The following GALNT7 variants were observed in gnomAD, a reference collection of about 807,000 sequenced individuals.
GALNT7 encodes polypeptide N-acetylgalactosaminyltransferase 7.
In GALNT7, 60 loss-of-function variants were observed where a neutral mutation model predicts 82.1. That is an observed-to-expected ratio of 0.73 (90% CI 0.59 to 0.91). The LOEUF (loss-of-function observed/expected upper bound fraction) is 0.91, where lower values mean the gene tolerates loss of function less well. Among genes scored for constraint, GALNT7 ranks in the 40% least tolerant of loss-of-function variants. The pLI, the probability that GALNT7 is intolerant of heterozygous loss-of-function variation, is 0.00. For missense variants in GALNT7, 660 were observed against 804.2 expected (o/e 0.82, Z 2.17); for synonymous variants, 243 against 275.1 (o/e 0.88, Z 1.15).
chr4:173,191,227 TG>T (rs147983325), intron 1 of GALNT7, among the ~76,000 whole-genome samples: 2,279 of 148,456 alleles, frequency 0.015, 57 homozygotes, highest in African/African-American at 0.051. Flanking sequence ...GGGGATGGGA[TG>T]GGGGGGGTAC....
intron 2 of GALNT7, among the ~76,000 whole-genome samples, chr4:173,283,872 G>A (rs1038527294): frequency 6.6e-6 from 1 of 152,180 alleles, no homozygotes; most frequent in African/African-American, 2.4e-5. Context: ...TTGCGCTGAT[G>A]CAAACAACTA....
At chr4:173,196,386 A>G (rs1369012155) in intron 1 of GALNT7, among the ~76,000 whole-genome samples, 5 of 152,172 alleles carry the variant, frequency 3.3e-5, no homozygotes, top group Non-Finnish European at 7.3e-5. Context: ...CAGCATCCCA[A>G]AGTGCTGGGA....
Position 173,304,113 on chromosome 4 carries a change from C to T in GALNT7, c.1384C>T (p.Leu462=). ...CATTTATGTTGGGTCTTCTCCAACT[C>T]TGAAGGTGAGTTTTTTGGATAAAAG... ...PPIYVGSSPT[L]KNYVRVVEVW... Residue 462 remains leucine (L), a synonymous_variant, in exon 8 of 12, where the codon CTG becomes TTG. Transcript: ENST00000265000. The T allele has an allele frequency of 6.2e-7, 1 of 1,612,726 alleles. No homozygotes were observed. Among genetic ancestry groups the T allele is most frequent in the Non-Finnish European group, 8.5e-7 (1 of 1,179,454 alleles).
chr4:173,172,830 C>T (rs1731918666), intron 1 of GALNT7, among the ~76,000 whole-genome samples: 1 of 152,078 alleles, frequency 6.6e-6, no homozygotes, highest in Admixed American at 6.6e-5. Flanking sequence ...AATGATGCCA[C>T]ACAGGAAAGC....
At chr4:173,196,343 T>G (rs767490869) in intron 1 of GALNT7, among the ~76,000 whole-genome samples, 7 of 152,112 alleles carry the variant, frequency 4.6e-5, no homozygotes, top group African/African-American at 9.7e-5. Flanking sequence ...CAGGCTGGTC[T>G]CAAACTCCTG....
intron 1 of GALNT7, among the ~76,000 whole-genome samples, chr4:173,243,739 G>A (rs1331851977): frequency 1.3e-5 from 2 of 152,068 alleles, no homozygotes; most frequent in African/African-American, 4.8e-5. Flanking sequence ...AATTTTTCTG[G>A]TGCTATTATA....
At chr4:173,283,881 T>G (rs1307911945) in intron 2 of GALNT7, among the ~76,000 whole-genome samples, 1 of 152,246 alleles carries the variant, frequency 6.6e-6, no homozygotes, top group African/African-American at 2.4e-5. Flanking sequence ...TGCAAACAAC[T>G]ATATTGTTAT....
chr4:173,318,800 A>G (rs1737700157), intron 11 of GALNT7: 1 of 310,342 alleles, frequency 3.2e-6, no homozygotes, highest in South Asian at 4.7e-5. Context: ...ATGTCTATAA[A>G]GAGCACTGCT....
At chr4:173,185,801 A>G (rs2126635083) in intron 1 of GALNT7, among the ~76,000 whole-genome samples, 1 of 152,296 alleles carries the variant, frequency 6.6e-6, no homozygotes, top group South Asian at 2.1e-4. Context: ...CAAGAAAGAG[A>G]TAAATAAGCA....
chr4:173,315,398 C>G (rs1737558881), intron 9 of GALNT7, among the ~76,000 whole-genome samples: 1 of 152,088 alleles, frequency 6.6e-6, no homozygotes, highest in Non-Finnish European at 1.5e-5. Context: ...CCATTAAGGC[C>G]TACTGATCAT....
At chr4:173,178,052 T>TGCGCGCGCGCGCGCGCGC (rs60869480) in intron 1 of GALNT7, among the ~76,000 whole-genome samples, 3 of 129,510 alleles carry the variant, frequency 2.3e-5, no homozygotes, top group African/African-American at 9.2e-5. Context: ...TGTGTGTGTG[T>TGCGCGCGCGCGCGCGCGC]GCGCGCACGC....
intron 8 of GALNT7, among the ~76,000 whole-genome samples, chr4:173,313,510 G>C (rs1737466026): frequency 6.7e-6 from 1 of 149,686 alleles, no homozygotes; most frequent in Non-Finnish European, 1.5e-5. Flanking sequence ...AGTTGAAGCT[G>C]CAATGAGCCA....
At chr4:173,235,221 AT>A (rs904083946) in intron 1 of GALNT7, among the ~76,000 whole-genome samples, 1 of 152,138 alleles carries the variant, frequency 6.6e-6, no homozygotes, top group Non-Finnish European at 1.5e-5. Flanking sequence ...TGTTTTCAAA[AT>A]GCTTCTGTCC....
chr4:173,222,433 G>A (rs1022193540), intron 1 of GALNT7, among the ~76,000 whole-genome samples: 3 of 152,022 alleles, frequency 2.0e-5, no homozygotes, highest in African/African-American at 4.8e-5. Flanking sequence ...CACCATGTCC[G>A]ACTAATTGTT....
chr4:173,211,221 G>A (rs1443886036), intron 1 of GALNT7, among the ~76,000 whole-genome samples: 2 of 152,112 alleles, frequency 1.3e-5, no homozygotes, highest in Admixed American at 6.5e-5. Context: ...AGGGATGCAT[G>A]TTCAGAATCA....
Position 173,321,797 on chromosome 4 carries a change from AC to A in GALNT7, c.*81del. The A allele has an allele frequency of 1.1e-6, 1 of 923,708 alleles. No homozygotes were observed. The highest frequency in any genetic ancestry group is 1.7e-6 in the Non-Finnish European group (1 of 582,986). 57.2% of individuals were successfully genotyped at this position (923,708 alleles called of 1,614,324 possible). On this transcript the variant is annotated 3_prime_UTR_variant, in exon 12 of 12. Transcript: ENST00000265000. The stretch of plus-strand genomic sequence containing the variant: ...TGAAAACCGCCTGAAACCTGCTGCA[AC>A]TATTGTTATTAACTCTGTATAGCTC...
intron 11 of GALNT7, 77 bp from the exon 12 acceptor site, chr4:173,321,503 A>C: frequency 9.9e-7 from 1 of 1,012,518 alleles, no homozygotes; most frequent in Admixed American, 1.9e-5. Context: ...TCTCCTCATG[A>C]AAGTCAAGTG....
At chr4:173,211,331 G>A (rs980511925) in intron 1 of GALNT7, among the ~76,000 whole-genome samples, 4 of 152,140 alleles carry the variant, frequency 2.6e-5, no homozygotes, top group Non-Finnish European at 4.4e-5. Context: ...TGTGTGTCTT[G>A]AGAAAGGTAC....
rs1218038064 is a variant in GALNT7, at chr4:173,178,079, C to T, written c.126+9118C>T. ...CGCGCACGCGCGTGCGCACAGACAC[C>T]TATGTATATATATTTTAGTTGTGAT... is the stretch of plus-strand genomic sequence containing the variant. On this transcript the variant is annotated intron_variant, in intron 1 of 11. Transcript: ENST00000265000. 2.8e-5 allele frequency among the ~76,000 whole-genome samples: 4 copies of T among 141,450 alleles called. No homozygotes were observed. The South Asian group carries it at 6.8e-4, about 24-fold the overall frequency. 92.8% of individuals were successfully genotyped at this position (141,450 alleles called of 152,430 possible). A position where few individuals can be genotyped will look rare whatever the true frequency, so the allele number is the denominator to read the frequency against.
Sources: allele counts gnomAD v4.1 joint callset (sites outside exome capture counted in the v4.1 genomes callset), GRCh38; gene constraint gnomAD v4.1.1; transcripts MANE v1.5; gene names NCBI Gene and HGNC (gene_info 2026-07-23, HGNC 2026-07-21).